The following NPC1 variants were observed in gnomAD, a reference collection of about 807,000 sequenced individuals.
NPC1 encodes the protein Niemann-Pick C1 protein.
Under a neutral mutation model 140.4 loss-of-function variants are expected in NPC1, and 85 were observed. The ratio of observed to expected loss-of-function variants is 0.61; its 90% CI spans 0.51 to 0.72. The LOEUF (loss-of-function observed/expected upper bound fraction) is 0.72, where lower values mean the gene tolerates loss of function less well. Among genes scored for constraint, NPC1 ranks in the 30% least tolerant of loss-of-function variants. The probability of loss-of-function intolerance (pLI) is 0.00; values close to 1 mark genes in which losing one functional copy is unlikely to be tolerated. For missense variants in NPC1, 1,504 were observed against 1,623.8 expected (o/e 0.93, Z 1.27); for synonymous variants, 656 against 624.8 (o/e 1.05, Z -0.74).
intron 1 of NPC1, chr18:23,576,590 C>G (rs2059283072): frequency 1.5e-6 from 1 of 646,456 alleles, no homozygotes; most frequent in South Asian, 6.5e-5. Context: ...AGCCGCGGAC[C>G]CTGGCGGTGA....
At chr18:23,544,938 A>ATAC in intron 12 of NPC1, 22 bp downstream of exon 12, 1 of 1,238,896 alleles carries the variant, frequency 8.1e-7, no homozygotes, top group Non-Finnish European at 1.1e-6. Flanking sequence ...TCTAGAACAT[A>ATAC]CACCACCCCC....
chr18:23,584,978 T>A (rs2059399113), intron 1 of NPC1, among the ~76,000 whole-genome samples: 1 of 151,980 alleles, frequency 6.6e-6, no homozygotes, highest in Admixed American at 6.6e-5. Flanking sequence ...GGCCAGGAGT[T>A]CCAGGCTGCA....
Position 23,532,056 on chromosome 18 carries a change from C to T in NPC1, c.*146G>A, listed in dbSNP as rs1320904390. 6.3e-7 allele frequency: 1 copy of T among 1,591,404 alleles called. No individual in the cohort carries two copies. Among genetic ancestry groups the T allele is most frequent in the Non-Finnish European group, 8.5e-7 (1 of 1,170,248 alleles). ...CAAGTCAACTGTGCATTCCTGAGTTCACAGGCGCTACGTTCAAAGCTGCTG... is the reference window on the plus strand; with the variant it reads ...CAAGTCAACTGTGCATTCCTGAGTTTACAGGCGCTACGTTCAAAGCTGCTG... On this transcript the variant is annotated 3_prime_UTR_variant, in exon 25 of 25. Transcript: ENST00000269228.
intron 3 of NPC1, chr18:23,509,299 T>C (rs376293096): frequency 4.6e-6 from 6 of 1,293,698 alleles, no homozygotes; most frequent in Non-Finnish European, 6.2e-6. Flanking sequence ...TTATCATTTA[T>C]GTTTGTTGGT....
Position 23,532,117 on chromosome 18 carries a change from A to C in NPC1, c.*85T>G. 6.2e-7 allele frequency: 1 copy of C among 1,613,880 alleles called. No individual in the cohort carries two copies. The highest frequency in any genetic ancestry group is 8.5e-7 in the Non-Finnish European group (1 of 1,179,920). On this transcript the variant is annotated 3_prime_UTR_variant, in exon 25 of 25. Transcript: ENST00000269228. ...GATGGTTGGCACCATCCGGTGTTCA[A>C]CTTGGCCTTGCCGATGCAGCACCCG...
Position 23,531,590 on chromosome 18 carries a change from A to G in NPC1, c.*612T>C, listed in dbSNP as rs1164501481. The G allele has an allele frequency of 6.2e-7, 1 of 1,603,520 alleles. No homozygotes were observed. Among genetic ancestry groups the G allele is most frequent in the Non-Finnish European group, 8.5e-7 (1 of 1,176,702 alleles). On this transcript the variant is annotated 3_prime_UTR_variant, in exon 25 of 25. Coordinates refer to ENST00000269228, the MANE Select transcript of NPC1 (RefSeq NM_000271.5). ...CTTTCTTTGTCCCTCATTTCATGCCACATCTAACTGGCAATTAAATCTCTT... is the reference window on the plus strand; with the variant it reads ...CTTTCTTTGTCCCTCATTTCATGCCGCATCTAACTGGCAATTAAATCTCTT...
intron 24 of NPC1, among the ~76,000 whole-genome samples, chr18:23,532,646 G>C (rs968135545): frequency 4.0e-5 from 6 of 150,786 alleles, no homozygotes; most frequent in Non-Finnish European, 7.4e-5. Flanking sequence ...ATGTTGCCTA[G>C]GCTGGTCTCA....
chr18:23,530,586 T>G, downstream of NPC1: 1 of 1,613,964 alleles, frequency 6.2e-7, no homozygotes, highest in Non-Finnish European at 8.5e-7. Flanking sequence ...AACCAGCGTT[T>G]GCGAGGGAGC....
chr18:23,520,199 C>T (rs79692028), downstream of NPC1: 1,032 of 1,609,708 alleles, frequency 6.4e-4, 6 homozygotes, highest in African/African-American at 0.012. Flanking sequence ...TTTTCCCCCC[C>T]AGACATCGGT....
At position 23,556,332 on chromosome 18, in the gene NPC1, G is replaced by C; in HGVS notation, c.1237C>G (p.Pro413Ala). The change falls in exon 8 of 25, where the codon CCT (proline) becomes GCT (alanine). Residue 413 changes from proline to alanine, a missense_variant. By Grantham distance (27) the Pro-to-Ala change is conservative. Transcript: ENST00000269228. ...TGGTAAATGTGTTTGTCAGTGAGAG[G>C]GGCCCGGATGATGAGCTGCTCCGTC... ...FRTEQLIIRAPLTDKHIYQPY... is the reference protein window; with the variant it reads ...FRTEQLIIRAALTDKHIYQPY... The C allele has an allele frequency of 3.1e-6, 5 of 1,614,070 alleles. No individual in the cohort carries two copies. The highest frequency in any genetic ancestry group is 2.5e-6 in the Non-Finnish European group (3 of 1,179,980).
In NPC1 at chr18:23,539,341, A is replaced by C. The variant is rs749005753; in HGVS notation, c.2911+14T>G. Reference sequence around the variant, plus strand: ...TTCAGCAAAACAGGAAAGATTTGGTAAAGGAGAAGGTACCTGAAGCATTGC... The same window carrying C: ...TTCAGCAAAACAGGAAAGATTTGGTCAAGGAGAAGGTACCTGAAGCATTGC... On this transcript the variant is annotated intron_variant, in intron 19 of 24. Coordinates refer to ENST00000269228, the MANE Select transcript of NPC1 (RefSeq NM_000271.5). 6.4e-7 allele frequency: 1 copy of C among 1,571,214 alleles called. No individual in the cohort carries two copies. Among genetic ancestry groups the C allele is most frequent in the Non-Finnish European group, 8.8e-7 (1 of 1,141,160 alleles).
chr18:23,544,947 C>CT lies in NPC1; in HGVS notation c.1947+12_1947+13insA. 2 of 1,359,592 alleles carry CT rather than the reference C, an allele frequency of 1.5e-6. No homozygotes were observed. The highest frequency in any genetic ancestry group is 1.2e-5 in the South Asian group (1 of 84,434). The allele number at this position is 1,359,592 out of a possible 1,614,324, so 84.2% of individuals were successfully genotyped here. A position where few individuals can be genotyped will look rare whatever the true frequency, so the allele number is the denominator to read the frequency against. ...TTAACCTCTAGAACATACACCACCC[C>CT]CCCCCGGCTTACCAGAAGCCTGCGA... On this transcript the variant is annotated intron_variant, in intron 12 of 24. Transcript: ENST00000269228.
In NPC1 at chr18:23,535,502, A is replaced by C. The variant is rs764277503; in HGVS notation, c.3444T>G (p.Ser1148Arg). ...MFGVMWLWGISLNAVSLVNLV... is the reference protein window; with the variant it reads ...MFGVMWLWGIRLNAVSLVNLV... Reference sequence around the variant, plus strand: ...GGTTGACCAAGGATACAGCGTTCAGACTGATGCCCCAGAGCCACATAACTC... The same window carrying C: ...GGTTGACCAAGGATACAGCGTTCAGCCTGATGCCCCAGAGCCACATAACTC... The change falls in exon 22 of 25, where the codon AGT becomes AGG. Residue 1148 changes from serine to arginine, a missense_variant. Physicochemically the swap from Ser to Arg is moderately radical, Grantham distance 110. Coordinates refer to ENST00000269228, the MANE Select transcript of NPC1 (RefSeq NM_000271.5). The C allele has an allele frequency of 6.2e-7, 1 of 1,613,810 alleles. No individual in the cohort carries two copies. The highest frequency in any genetic ancestry group is 8.5e-7 in the Non-Finnish European group (1 of 1,179,842).
Position 23,557,048 on chromosome 18 carries a change from G to A in NPC1, c.955+69C>T, listed in dbSNP as rs1262762438. 43 of 1,320,304 alleles carry A rather than the reference G, an allele frequency of 3.3e-5. 1 individual carries two copies. Among genetic ancestry groups the A allele is most frequent in the Middle Eastern group, 1.8e-4 (1 of 5,520 alleles). 81.8% of individuals were successfully genotyped at this position (1,320,304 alleles called of 1,614,324 possible). On this transcript the variant is annotated intron_variant, in intron 7 of 24. Transcript: ENST00000269228. The stretch of plus-strand genomic sequence containing the variant: ...CCTCACCCACTGCTGCAACCCCACT[G>A]AGGAAACGAATGCTCTCATGACAGA...
chr18:23,573,670 A>G, intron 1 of NPC1, 96 bp from the exon 2 acceptor site: 1 of 1,438,262 alleles, frequency 7.0e-7, no homozygotes, highest in Non-Finnish European at 9.8e-7. Context: ...GAAACTTCCA[A>G]TGCTACCTGC....
At chr18:23,569,133 C>G in intron 3 of NPC1, 135 bp from the exon 4 acceptor site, 1 of 669,530 alleles carries the variant, frequency 1.5e-6, no homozygotes, top group Non-Finnish European at 2.6e-6. Flanking sequence ...TAAAAACCAG[C>G]AATTCTAAAC....
downstream of NPC1, among the ~76,000 whole-genome samples, chr18:23,518,000 G>A (rs964368960): frequency 6.6e-6 from 1 of 152,210 alleles, no homozygotes; most frequent in Non-Finnish European, 1.5e-5. Flanking sequence ...TTATAGGCAT[G>A]AGCCGCCGTG....
chr18:23,535,336 T>G (rs2058612152), intron 22 of NPC1, 133 bp downstream of exon 22: 2 of 738,178 alleles, frequency 2.7e-6, no homozygotes, highest in Non-Finnish European at 2.4e-6. Flanking sequence ...ATCCTGCCTC[T>G]CCATGTGTGC....
chr18:23,548,339 C>CTTTTTTTT (rs34182768), intron 10 of NPC1, among the ~76,000 whole-genome samples: 1 of 136,158 alleles, frequency 7.3e-6, no homozygotes, highest in African/African-American at 2.6e-5. Context: ...AAGAGTAACT[C>CTTTTTTTT]TTTTTTTTTT....
Sources: allele counts gnomAD v4.1 joint callset (sites outside exome capture counted in the v4.1 genomes callset), GRCh38; gene constraint gnomAD v4.1.1; transcripts MANE v1.5; gene names NCBI Gene and HGNC (gene_info 2026-07-23, HGNC 2026-07-21).